CDH4: variants seen among roughly 807,000 people sequenced by gnomAD.
CDH4 encodes the protein cadherin 4, also known as cadherin-4.
A neutral mutation model predicts 86.0 loss-of-function variants in CDH4; 33 were observed. That is an observed-to-expected ratio of 0.38 (90% confidence interval 0.29 to 0.51). The LOEUF (loss-of-function observed/expected upper bound fraction) is 0.51, where lower values mean the gene tolerates loss of function less well. CDH4 is among the 20% of genes least tolerant of loss of function. The pLI is 0.86. For missense variants in CDH4, 1,114 were observed against 1,307.4 expected, an observed-to-expected ratio of 0.85 and a Z score of 2.28; for synonymous variants, 555 against 549.4, an observed-to-expected ratio of 1.01 and a Z score of -0.14.
At chr20:61,428,031 T>G (rs1166830734) in intron 2 of CDH4, among the ~76,000 whole-genome samples, 1 of 152,116 alleles carries the variant, frequency 6.6e-6, no homozygotes, top group Admixed American at 6.5e-5. Context: ...GTGCATGGTA[T>G]TCCCCCAGAC....
Position 61,910,626 on chromosome 20 carries a change from C to T in CDH4, c.1374+19C>T, listed in dbSNP as rs562765422. The T allele has an allele frequency of 1.5e-5, 24 of 1,604,714 alleles. No individual in the cohort carries two copies. The South Asian group carries it at 2.2e-4, about 15-fold the overall frequency. ...GGTGAAGGTGCGTACTCTTCTCACA[C>T]CCTGCCAGGCACCCCAAGTTCTGCC... On this transcript the variant is annotated intron_variant, in intron 9 of 15. Coordinates refer to ENST00000614565, the MANE Select transcript of CDH4 (RefSeq NM_001794.5).
At chr20:61,283,899 T>C (rs2084278788) in intron 2 of CDH4, among the ~76,000 whole-genome samples, 1 of 152,220 alleles carries the variant, frequency 6.6e-6, no homozygotes, top group Non-Finnish European at 1.5e-5. Context: ...ACCCTGGCCC[T>C]AGTTCTGTCA....
At chr20:61,369,340 A>C (rs904520537) in intron 2 of CDH4, among the ~76,000 whole-genome samples, 3 of 149,908 alleles carry the variant, frequency 2.0e-5, no homozygotes, top group Admixed American at 1.3e-4. Flanking sequence ...AGTCCCAGCT[A>C]CTCAGGAGGC....
At chr20:61,746,034 G>A (rs1370549571) in intron 3 of CDH4, among the ~76,000 whole-genome samples, 2 of 152,134 alleles carry the variant, frequency 1.3e-5, no homozygotes, top group Non-Finnish European at 2.9e-5. Flanking sequence ...CGGAGCAGGG[G>A]ACACTGAATT....
At chr20:61,514,452 C>T (rs1405693224) in intron 2 of CDH4, among the ~76,000 whole-genome samples, 1 of 152,090 alleles carries the variant, frequency 6.6e-6, no homozygotes, top group African/African-American at 2.4e-5. Flanking sequence ...GAACGAACAT[C>T]TTGTGGTTCT....
At chr20:61,686,323 G>A (rs2087572427) in intron 2 of CDH4, among the ~76,000 whole-genome samples, 1 of 152,246 alleles carries the variant, frequency 6.6e-6, no homozygotes, top group African/African-American at 2.4e-5. Context: ...AGACTGGAGA[G>A]AACAAGCCCA....
chr20:61,833,593 G>C (rs2146084837), intron 4 of CDH4, among the ~76,000 whole-genome samples: 1 of 143,376 alleles, frequency 7.0e-6, no homozygotes, highest in East Asian at 2.0e-4. Context: ...ACAAAGCTCA[G>C]TATTCAACCC....
intron 3 of CDH4, among the ~76,000 whole-genome samples, chr20:61,745,675 G>T (rs1490615976): frequency 6.6e-6 from 1 of 152,018 alleles, no homozygotes; most frequent in Non-Finnish European, 1.5e-5. Context: ...GCAGGCCCTT[G>T]GACAGCCTGG....
intron 2 of CDH4, among the ~76,000 whole-genome samples, chr20:61,408,723 A>T (rs537738212): frequency 2.8e-4 from 8 of 28,488 alleles, no homozygotes; most frequent in Non-Finnish European, 4.8e-4. Flanking sequence ...TTCATTTTGC[A>T]TACAACACCA....
chr20:61,660,500 T>C (rs2087240997), intron 2 of CDH4, among the ~76,000 whole-genome samples: 1 of 152,208 alleles, frequency 6.6e-6, no homozygotes, highest in Non-Finnish European at 1.5e-5. Flanking sequence ...AAGTCCTGCG[T>C]GTATCCATTT....
intron 2 of CDH4, among the ~76,000 whole-genome samples, chr20:61,702,803 G>A (rs1479213665): frequency 5.3e-5 from 8 of 152,214 alleles, no homozygotes; most frequent in African/African-American, 1.9e-4. Context: ...AAAGTACTTT[G>A]AAGGATTTTG....
intron 2 of CDH4, among the ~76,000 whole-genome samples, chr20:61,714,165 G>A (rs1210098318): frequency 6.6e-6 from 1 of 151,930 alleles, no homozygotes; most frequent in East Asian, 1.9e-4. Context: ...TCCTGCCTCA[G>A]CCTCCCAAGT....
At chr20:61,886,521 G>T (rs2427227) in intron 7 of CDH4, among the ~76,000 whole-genome samples, 2 of 152,212 alleles carry the variant, frequency 1.3e-5, no homozygotes, top group African/African-American at 2.4e-5. Flanking sequence ...GCCCAGGACA[G>T]GAGCATGCAT....
chr20:61,859,816 C>T (rs767454173), intron 6 of CDH4, among the ~76,000 whole-genome samples: 13 of 152,278 alleles, frequency 8.5e-5, no homozygotes, highest in African/African-American at 1.9e-4. Context: ...GGGATGGCTT[C>T]GTGGACAGTG....
chr20:61,813,391 T>TGCTG (rs1980540581), intron 4 of CDH4, among the ~76,000 whole-genome samples: 2 of 152,206 alleles, frequency 1.3e-5, no homozygotes, highest in Non-Finnish European at 2.9e-5. Flanking sequence ...GCCCCACATG[T>TGCTG]GCTGATAGCA....
intron 2 of CDH4, among the ~76,000 whole-genome samples, chr20:61,321,232 G>A (rs1200993323): frequency 6.6e-6 from 1 of 152,172 alleles, no homozygotes; most frequent in East Asian, 1.9e-4. Flanking sequence ...CTGCAAATTA[G>A]AACAGTTAAT....
chr20:61,273,345 T>C (rs1351479550), intron 2 of CDH4, among the ~76,000 whole-genome samples: 11 of 107,494 alleles, frequency 1.0e-4, no homozygotes, highest in East Asian at 6.7e-4. Flanking sequence ...GAGTACCTTG[T>C]GCAGTTTGGG....
chr20:61,782,591 T>C (rs1978607116), intron 4 of CDH4, among the ~76,000 whole-genome samples: 1 of 152,246 alleles, frequency 6.6e-6, no homozygotes, highest in Non-Finnish European at 1.5e-5. Context: ...TTATAATGTA[T>C]GTTGATGTAA....
intron 6 of CDH4, among the ~76,000 whole-genome samples, chr20:61,862,719 C>T (rs145389187): frequency 1.3e-5 from 2 of 152,320 alleles, no homozygotes; most frequent in East Asian, 1.9e-4. Context: ...AAGACACCTC[C>T]GTATTGATGA....
Sources: gnomAD v4.1 joint callset for allele counts (sites outside exome capture counted in the v4.1 genomes callset) on GRCh38, gnomAD v4.1.1 for gene constraint, MANE v1.5 for transcripts, NCBI Gene and HGNC (gene_info 2026-07-23, HGNC 2026-07-21) for gene names.